The following EPM2A variants were observed in gnomAD, a reference collection of about 807,000 sequenced individuals.
EPM2A encodes the protein EPM2A glucan phosphatase, laforin.
A neutral mutation model predicts 26.5 loss-of-function variants in EPM2A; 21 were observed. The observed-to-expected ratio is 0.79, with a 90% confidence interval of 0.56 to 1.14. EPM2A has a LOEUF of 1.14. EPM2A is among the 50% of genes most tolerant of loss of function. The pLI, the probability that EPM2A is intolerant of heterozygous loss-of-function variation, is 0.00. For missense variants in EPM2A, 458 were observed against 440.8 expected, an observed-to-expected ratio of 1.04 and a Z score of -0.35; for synonymous variants, 217 against 177.6, an observed-to-expected ratio of 1.22 and a Z score of -1.76.
chr6:145,662,992 T>C (rs905463292), intron 2 of EPM2A, among the ~76,000 whole-genome samples: 3 of 152,162 alleles, frequency 2.0e-5, no homozygotes, highest in Non-Finnish European at 4.4e-5. Context: ...TCCTATTTAA[T>C]GCAACTATGG....
chr6:145,585,693 G>A (rs1261572075), intron 2 of EPM2A, among the ~76,000 whole-genome samples: 2 of 151,998 alleles, frequency 1.3e-5, no homozygotes, highest in Admixed American at 1.3e-4. Flanking sequence ...ATCAGATACT[G>A]TAAATTTTAT....
intron 4 of EPM2A, among the ~76,000 whole-genome samples, chr6:145,426,588 A>T (rs1428014679): frequency 1.3e-5 from 2 of 152,242 alleles, no homozygotes. Flanking sequence ...TGAGGAAGAG[A>T]AATATACATA....
intron 4 of EPM2A, among the ~76,000 whole-genome samples, chr6:145,479,486 T>A (rs1282748117): frequency 6.6e-6 from 1 of 151,882 alleles, no homozygotes; most frequent in African/African-American, 2.4e-5. Flanking sequence ...CTGTACAAAT[T>A]TGCCTATTCT....
At chr6:145,427,543 G>A (rs148713960) in intron 4 of EPM2A, among the ~76,000 whole-genome samples, 169 of 152,214 alleles carry the variant, frequency 1.1e-3, no homozygotes, top group African/African-American at 3.8e-3. Flanking sequence ...TTGAAAGTTC[G>A]CACTGAATGA....
At chr6:145,472,448 C>G (rs563308457) in intron 4 of EPM2A, among the ~76,000 whole-genome samples, 1 of 132,720 alleles carries the variant, frequency 7.5e-6, no homozygotes, top group East Asian at 2.3e-4. Flanking sequence ...GGGTAGAGTA[C>G]CAAGCAGGGT....
chr6:145,613,847 A>G (rs1775449672), intron 2 of EPM2A, among the ~76,000 whole-genome samples: 2 of 152,240 alleles, frequency 1.3e-5, no homozygotes, highest in South Asian at 4.1e-4. Flanking sequence ...AAGATTTAGC[A>G]TAATTCTTAA....
intron 4 of EPM2A, among the ~76,000 whole-genome samples, chr6:145,467,920 T>G (rs1265409632): frequency 4.6e-5 from 7 of 152,122 alleles, no homozygotes; most frequent in Non-Finnish European, 7.4e-5. Context: ...GAAATATTAT[T>G]GTGCATTAAA....
intron 2 of EPM2A, among the ~76,000 whole-genome samples, chr6:145,535,045 T>C (rs1780412483): frequency 6.6e-6 from 1 of 152,208 alleles, no homozygotes; most frequent in Non-Finnish European, 1.5e-5. Flanking sequence ...CATCTTTTTA[T>C]CTCCTTCCCA....
At chr6:145,516,863 T>A (rs1229501021) in intron 2 of EPM2A, among the ~76,000 whole-genome samples, 4 of 152,170 alleles carry the variant, frequency 2.6e-5, no homozygotes, top group Non-Finnish European at 5.9e-5. Flanking sequence ...CCAAAAGAAT[T>A]GAAATCAGGA....
At chr6:145,418,279 G>A (rs993253548) in intron 4 of EPM2A, among the ~76,000 whole-genome samples, 10 of 152,252 alleles carry the variant, frequency 6.6e-5, no homozygotes, top group East Asian at 3.9e-4. Flanking sequence ...AAATTCTTCC[G>A]CTCAGTGCTA....
At chr6:145,436,832 G>A (rs1285018307) in intron 4 of EPM2A, among the ~76,000 whole-genome samples, 5 of 150,720 alleles carry the variant, frequency 3.3e-5, no homozygotes, top group Admixed American at 3.3e-4. Flanking sequence ...TATTTTATTT[G>A]TTTTTTTTCC....
At chr6:145,443,107 G>T (rs1249313021) in intron 4 of EPM2A, among the ~76,000 whole-genome samples, 4 of 152,080 alleles carry the variant, frequency 2.6e-5, no homozygotes, top group African/African-American at 9.7e-5. Context: ...TCCTGACCTT[G>T]TGATCCACCT....
At chr6:145,696,520 T>C (rs1781578891) in intron 1 of EPM2A, among the ~76,000 whole-genome samples, 1 of 152,100 alleles carries the variant, frequency 6.6e-6, no homozygotes, top group Admixed American at 6.5e-5. Context: ...AACATTACAA[T>C]GTACCCCATA....
At chr6:145,568,299 G>T (rs187873503) in intron 2 of EPM2A, among the ~76,000 whole-genome samples, 1 of 150,948 alleles carries the variant, frequency 6.6e-6, no homozygotes, top group East Asian at 2.0e-4. Flanking sequence ...GGTAAAAGCA[G>T]AACAGTAACC....
intron 4 of EPM2A, among the ~76,000 whole-genome samples, chr6:145,474,355 A>C (rs1290181195): frequency 2.0e-5 from 3 of 151,940 alleles, no homozygotes; most frequent in Non-Finnish European, 4.4e-5. Context: ...CCAGCTACTC[A>C]GGAGGCTGAG....
At chr6:145,409,201 T>G (rs1778609913) in intron 4 of EPM2A, among the ~76,000 whole-genome samples, 1 of 152,170 alleles carries the variant, frequency 6.6e-6, no homozygotes, top group South Asian at 2.1e-4. Context: ...GTCACATGTC[T>G]GTAGAGCAAC....
intron 2 of EPM2A, among the ~76,000 whole-genome samples, chr6:145,601,744 ACTTT>A (rs1171951341): frequency 2.0e-5 from 3 of 152,172 alleles, no homozygotes; most frequent in East Asian, 1.9e-4. Flanking sequence ...AGAAACTGAA[ACTTT>A]CTTTCCCAGC....
chr6:145,652,162 T>G (rs1459881314), intron 2 of EPM2A, among the ~76,000 whole-genome samples: 1 of 152,210 alleles, frequency 6.6e-6, no homozygotes, highest in East Asian at 1.9e-4. Flanking sequence ...AAAAGCACTT[T>G]CACAAATACA....
rs1775829213 is a variant in EPM2A, at chr6:145,626,630, A to G, written c.*786T>C. 1.0e-6 allele frequency: 1 copy of G among 980,798 alleles called. No individual in the cohort carries two copies. The highest frequency in any genetic ancestry group is 4.7e-5 in the South Asian group (1 of 21,188). 60.8% of individuals were successfully genotyped at this position (980,798 alleles called of 1,614,324 possible). ...GATGAAAACAGTGCTGAGTCAAATA[A>G]ATATAGATTATTAACTCCAGCTTGC... is the stretch of plus-strand genomic sequence containing the variant. On this transcript the variant is annotated 3_prime_UTR_variant, in exon 4 of 4. Coordinates refer to ENST00000367519, the MANE Select transcript of EPM2A (RefSeq NM_005670.4).
Sources: gnomAD v4.1 joint callset for allele counts (sites outside exome capture counted in the v4.1 genomes callset) on GRCh38, gnomAD v4.1.1 for gene constraint, MANE v1.5 for transcripts, NCBI Gene and HGNC (gene_info 2026-07-23, HGNC 2026-07-21) for gene names.